MTHFD1L: variants seen among roughly 807,000 people sequenced by gnomAD.
MTHFD1L encodes methylenetetrahydrofolate dehydrogenase (NADP+ dependent) 1 like.
Under a neutral mutation model 119.5 loss-of-function variants are expected in MTHFD1L, and 81 were observed. The ratio of observed to expected loss-of-function variants is 0.68; its 90% confidence interval spans 0.57 to 0.82. The LOEUF is 0.82. Ranked by LOEUF, MTHFD1L falls within the 40% of genes least tolerant of loss-of-function variation. The probability of loss-of-function intolerance (pLI) is 0.00; values close to 1 mark genes in which losing one functional copy is unlikely to be tolerated. For missense variants in MTHFD1L, 1,125 were observed against 1,253.4 expected, an observed-to-expected ratio of 0.90 and a Z score of 1.55; for synonymous variants, 430 against 475.2, an observed-to-expected ratio of 0.90 and a Z score of 1.24.
At chr6:150,928,967 G>A (rs1052716344) in intron 11 of MTHFD1L, among the ~76,000 whole-genome samples, 3 of 152,038 alleles carry the variant, frequency 2.0e-5, no homozygotes, top group African/African-American at 4.8e-5. Context: ...CCCTTCTCCC[G>A]CAGGCTTCCA....
intron 19 of MTHFD1L, among the ~76,000 whole-genome samples, chr6:150,965,653 TC>T (rs775162788): frequency 2.5e-4 from 27 of 109,936 alleles, no homozygotes; most frequent in Non-Finnish European, 1.0e-4. Flanking sequence ...AGAGCGAGAC[TC>T]CGTCTGAAAA....
intron 18 of MTHFD1L, among the ~76,000 whole-genome samples, chr6:150,960,882 T>C (rs967420515): frequency 6.6e-6 from 1 of 152,176 alleles, no homozygotes; most frequent in Non-Finnish European, 1.5e-5. Context: ...ATTATTTAAT[T>C]TGGGGCCTTA....
rs553801288 is a variant in MTHFD1L at position 150,907,013 on chromosome 6, A to G, written c.892+1252A>G. 2.6e-3 allele frequency among the ~76,000 whole-genome samples: 382 copies of G among 145,124 alleles called. 10 individuals are homozygous for G. Among genetic ancestry groups the G allele is most frequent in the Admixed American group, 0.026 (380 of 14,864 alleles). On this transcript the variant is annotated intron_variant, in intron 8 of 27. Transcript: ENST00000367321. ...ATTCATATAACTTTTTTTCCCCTGA[A>G]AAAAAAAAAAAACAAAGCCTAACCT...
At chr6:150,930,835 G>A (rs1380545882) in intron 11 of MTHFD1L, among the ~76,000 whole-genome samples, 1 of 152,046 alleles carries the variant, frequency 6.6e-6, no homozygotes, top group Non-Finnish European at 1.5e-5. Flanking sequence ...ATGCAGAACA[G>A]ATTAATTCTT....
At chr6:151,089,666 C>G (rs1467465315) in intron 26 of MTHFD1L, among the ~76,000 whole-genome samples, 1 of 152,178 alleles carries the variant, frequency 6.6e-6, no homozygotes, top group Non-Finnish European at 1.5e-5. Flanking sequence ...TGCAGTTAGG[C>G]AGGAAAATTA....
chr6:151,066,013 C>CCTT (rs10641342), intron 26 of MTHFD1L, among the ~76,000 whole-genome samples: 27,781 of 152,094 alleles, frequency 0.18, 3,567 homozygotes, highest in African/African-American at 0.36. Context: ...TATAGTAGCT[C>CCTT]CTCATTATAT....
At chr6:150,908,138 C>A (rs1257442337) in intron 8 of MTHFD1L, among the ~76,000 whole-genome samples, 1 of 150,466 alleles carries the variant, frequency 6.6e-6, no homozygotes, top group Admixed American at 6.6e-5. Flanking sequence ...GAACTCCTGA[C>A]CTCAAGTGAT....
chr6:151,092,760 G>A (rs970523705), intron 27 of MTHFD1L, among the ~76,000 whole-genome samples, 173 bp downstream of exon 27: 8 of 151,964 alleles, frequency 5.3e-5, no homozygotes, highest in Non-Finnish European at 8.8e-5. Context: ...TCCTGGGTGT[G>A]GCTGTGAGTT....
At chr6:150,921,697 A>T (rs1788969123) in intron 9 of MTHFD1L, among the ~76,000 whole-genome samples, 1 of 152,202 alleles carries the variant, frequency 6.6e-6, no homozygotes, top group Admixed American at 6.5e-5. Flanking sequence ...ATAGGTGCGC[A>T]TCACCACACC....
intron 24 of MTHFD1L, among the ~76,000 whole-genome samples, chr6:151,023,048 GT>G (rs34683676): frequency 0.22 from 29,158 of 133,940 alleles, 2,798 homozygotes; most frequent in Middle Eastern, 0.3. Context: ...TGGTTTTTGG[GT>G]TTTTTTTTTT....
intron 20 of MTHFD1L, among the ~76,000 whole-genome samples, chr6:150,980,125 T>C (rs1248062740): frequency 6.6e-6 from 1 of 152,188 alleles, no homozygotes; most frequent in Non-Finnish European, 1.5e-5. Context: ...TTTTTGTCTT[T>C]AGTAAATTTA....
At chr6:151,053,859 CAAA>C (rs202176337) in intron 26 of MTHFD1L, among the ~76,000 whole-genome samples, 4 of 75,502 alleles carry the variant, frequency 5.3e-5, no homozygotes, top group Non-Finnish European at 5.6e-5. Flanking sequence ...GACTCCATCT[CAAA>C]AAAAAAAAAA....
chr6:150,946,708 G>C (rs1794003025), intron 15 of MTHFD1L, among the ~76,000 whole-genome samples: 1 of 152,138 alleles, frequency 6.6e-6, no homozygotes, highest in Non-Finnish European at 1.5e-5. Flanking sequence ...TGTTGAATTA[G>C]TGAGTAATTC....
intron 10 of MTHFD1L, among the ~76,000 whole-genome samples, chr6:150,924,939 A>T (rs59866541): frequency 0.088 from 13,420 of 152,120 alleles, 818 homozygotes; most frequent in African/African-American, 0.17. Context: ...GCGGTACTTG[A>T]GGGGGGTAAC....
intron 20 of MTHFD1L, among the ~76,000 whole-genome samples, chr6:150,989,771 A>G (rs1778804537): frequency 6.6e-6 from 1 of 152,238 alleles, no homozygotes; most frequent in South Asian, 2.1e-4. Flanking sequence ...GGTAAGACAC[A>G]TGACATACTC....
intron 19 of MTHFD1L, among the ~76,000 whole-genome samples, chr6:150,966,025 G>A (rs1300238068): frequency 1.3e-5 from 2 of 152,210 alleles, no homozygotes; most frequent in South Asian, 2.1e-4. Context: ...AGCCATGCAC[G>A]TGTCTTGAAG....
intron 27 of MTHFD1L, among the ~76,000 whole-genome samples, chr6:151,096,466 G>A (rs1296741561): frequency 6.6e-6 from 1 of 152,150 alleles, no homozygotes; most frequent in East Asian, 1.9e-4. Context: ...CCCTCTCAGT[G>A]GCTCCTCGGT....
chr6:150,875,296 G>A (rs1055861235), intron 1 of MTHFD1L, among the ~76,000 whole-genome samples: 11 of 151,986 alleles, frequency 7.2e-5, no homozygotes, highest in African/African-American at 2.7e-4. Context: ...CAGTCCTACC[G>A]CCTTGGCCTC....
chr6:150,955,323 G>A lies in MTHFD1L; in HGVS notation c.1727-672G>A, dbSNP rs1040711743. On this transcript the variant is annotated intron_variant, in intron 16 of 27. Coordinates refer to ENST00000367321, the MANE Select transcript of MTHFD1L (RefSeq NM_015440.5). Reference sequence around the variant, plus strand: ...ATCAACATGACCTTCTTTTATAGCCGTCTAATATTCCATTGCCTGTCTGTG... The same window carrying A: ...ATCAACATGACCTTCTTTTATAGCCATCTAATATTCCATTGCCTGTCTGTG... 4.6e-5 allele frequency among the ~76,000 whole-genome samples: 7 copies of A among 151,960 alleles called. No individual in the cohort carries two copies. In the East Asian group the frequency reaches 7.7e-4, roughly 17 times the overall value.
Sources: gnomAD v4.1 joint callset for allele counts (sites outside exome capture counted in the v4.1 genomes callset) on GRCh38, gnomAD v4.1.1 for gene constraint, MANE v1.5 for transcripts, NCBI Gene and HGNC (gene_info 2026-07-23, HGNC 2026-07-21) for gene names.